The following SLC37A1 variants were observed in gnomAD, a reference collection of about 807,000 sequenced individuals.
SLC37A1 encodes the protein solute carrier family 37 member 1, also known as glucose-6-phosphate exchanger SLC37A1.
SLC37A1 carries 49 observed loss-of-function variants against 75.3 expected under a neutral mutation model. The ratio of observed to expected loss-of-function variants is 0.65; its 90% confidence interval spans 0.52 to 0.83. The LOEUF is 0.83. Ranked by LOEUF, SLC37A1 falls within the 40% of genes least tolerant of loss-of-function variation. SLC37A1 has a pLI of 0.00. For synonymous variants in SLC37A1, 268 were observed against 292.1 expected (o/e 0.92, Z 0.84); for missense variants, 566 against 695.0 (o/e 0.81, Z 2.09).
chr21:42,580,392 G>A lies in SLC37A1; in HGVS notation c.*32G>A. Reference sequence around the variant, plus strand: ...ACCCCAGTCCCGTGGAGGGGGTCTGGGCCCACCCTTCACAACTGCCTTTCA... The same window carrying A: ...ACCCCAGTCCCGTGGAGGGGGTCTGAGCCCACCCTTCACAACTGCCTTTCA... On this transcript the variant is annotated 3_prime_UTR_variant, in exon 20 of 20. Transcript: ENST00000352133. 1.9e-6 allele frequency: 3 copies of A among 1,610,978 alleles called. No individual in the cohort carries two copies. Among genetic ancestry groups the A allele is most frequent in the Non-Finnish European group, 2.5e-6 (3 of 1,178,762 alleles).
chr21:42,534,836 T>C lies in SLC37A1; in HGVS notation c.271+6T>C. On this transcript the variant is annotated splice_donor_region_variant and intron_variant, in intron 4 of 19. Coordinates refer to ENST00000352133, the MANE Select transcript of SLC37A1 (RefSeq NM_001320537.2). ...CTGTGGCTGGGCACCGTTTGGTAAGTCGATTATCGGTCCGTCCAGGAGCCG... is the reference window on the plus strand; with the variant it reads ...CTGTGGCTGGGCACCGTTTGGTAAGCCGATTATCGGTCCGTCCAGGAGCCG... 1.9e-6 allele frequency: 3 copies of C among 1,613,198 alleles called. No individual in the cohort carries two copies. The highest frequency in any genetic ancestry group is 2.5e-6 in the Non-Finnish European group (3 of 1,179,576).
chr21:42,544,465 A>G (rs1005905288), intron 8 of SLC37A1, among the ~76,000 whole-genome samples: 2 of 152,176 alleles, frequency 1.3e-5, no homozygotes, highest in African/African-American at 4.8e-5. Context: ...TAAGGTAACC[A>G]TCATCTGGCC....
intron 17 of SLC37A1, among the ~76,000 whole-genome samples, chr21:42,569,011 G>A (rs2056054735): frequency 6.6e-6 from 1 of 152,230 alleles, no homozygotes; most frequent in South Asian, 2.1e-4. Flanking sequence ...CACAGTGGCT[G>A]CACCTGCCAG....
intron 12 of SLC37A1, 93 bp downstream of exon 12, chr21:42,562,261 A>G (rs2055849306): frequency 9.3e-7 from 1 of 1,078,958 alleles, no homozygotes; most frequent in African/African-American, 1.6e-5. Flanking sequence ...TTGAAAACAC[A>G]AGGTCATGAA....
intron 3 of SLC37A1, among the ~76,000 whole-genome samples, chr21:42,531,041 T>C (rs937956286): frequency 6.6e-6 from 1 of 152,008 alleles, no homozygotes; most frequent in African/African-American, 2.4e-5. Flanking sequence ...TCTTTTCTAG[T>C]GTCATGAAAT....
intron 17 of SLC37A1, among the ~76,000 whole-genome samples, chr21:42,572,184 C>T (rs894136671): frequency 6.6e-6 from 1 of 152,178 alleles, no homozygotes; most frequent in Non-Finnish European, 1.5e-5. Flanking sequence ...GTCACTGACA[C>T]GTTCACAGAC....
At chr21:42,550,400 CAA>C (rs1300124251) in intron 9 of SLC37A1, among the ~76,000 whole-genome samples, 1 of 152,150 alleles carries the variant, frequency 6.6e-6, no homozygotes, top group Non-Finnish European at 1.5e-5. Context: ...AAAACTGACT[CAA>C]GAGAGGAGGA....
chr21:42,543,644 C>T (rs756401098), intron 8 of SLC37A1, 42 bp downstream of exon 8: 3 of 1,541,868 alleles, frequency 1.9e-6, no homozygotes, highest in Non-Finnish European at 2.6e-6. Flanking sequence ...CAAGGGAGGC[C>T]TCGGATTTCC....
At chr21:42,570,044 G>A (rs2056093140) in intron 17 of SLC37A1, among the ~76,000 whole-genome samples, 1 of 150,560 alleles carries the variant, frequency 6.6e-6, no homozygotes, top group African/African-American at 2.5e-5. Flanking sequence ...GCCTGATTCT[G>A]AGAAGCGGCG....
chr21:42,518,021 C>T (rs1023369571), intron 1 of SLC37A1, among the ~76,000 whole-genome samples: 10 of 152,282 alleles, frequency 6.6e-5, no homozygotes, highest in South Asian at 4.1e-4. Flanking sequence ...TCCTTGGTTC[C>T]TTTTTATCCA....
At chr21:42,526,219 C>T (rs765754353) in intron 3 of SLC37A1, among the ~76,000 whole-genome samples, 11 of 152,094 alleles carry the variant, frequency 7.2e-5, no homozygotes, top group South Asian at 2.1e-4. Context: ...GGTCTGGCTG[C>T]GGAGGTGGCT....
At chr21:42,554,988 T>G (rs1455938031) in intron 10 of SLC37A1, among the ~76,000 whole-genome samples, 1 of 148,908 alleles carries the variant, frequency 6.7e-6, no homozygotes. Context: ...GGTTGTTTTT[T>G]TTTTTTTTTT....
rs368957557 is a variant in SLC37A1, at chr21:42,543,544, C to T, written c.672C>T (p.Val224=). ...WVSTCWGLSF[V]VPGAIVAAMG... is the part of the protein sequence containing the mutation. ...CCACATGCTGGGGCCTGTCCTTCGT[C>T]GTGCCTGGAGCCATCGTGGCAGCCA... The change falls in exon 8 of 20, where the codon GTC becomes GTT. Residue 224 remains valine, a synonymous_variant. Coordinates refer to ENST00000352133, the MANE Select transcript of SLC37A1 (RefSeq NM_001320537.2). The T allele has an allele frequency of 6.8e-6, 11 of 1,613,728 alleles. No individual in the cohort carries two copies. Among genetic ancestry groups the T allele is most frequent in the Admixed American group, 5.0e-5 (3 of 59,946 alleles).
intron 11 of SLC37A1, 83 bp from the exon 12 acceptor site, chr21:42,561,995 A>C: frequency 9.0e-7 from 1 of 1,107,982 alleles, no homozygotes; most frequent in South Asian, 1.2e-5. Context: ...ATGGGAGCGA[A>C]GTCATATTTA....
In SLC37A1 at chr21:42,564,738, G is replaced by T. The variant is rs149271337; in HGVS notation, c.1166G>T (p.Arg389Leu). The T allele has an allele frequency of 6.2e-7, 1 of 1,610,680 alleles. No individual in the cohort carries two copies. Among genetic ancestry groups the T allele is most frequent in the African/African-American group, 1.3e-5 (1 of 75,046 alleles). The change falls in exon 14 of 20, where the codon CGA (arginine) becomes CTA (leucine). Residue 389 changes from arginine (R) to leucine (L), a missense_variant. Physicochemically the swap from Arg to Leu is moderately radical, Grantham distance 102. Coordinates refer to ENST00000352133, the MANE Select transcript of SLC37A1 (RefSeq NM_001320537.2). ...ATCCTGGCAGGTGTGATCTCAGACC[G>T]ACTGGAGAAAAGGGCCTCCACCTGC... is the stretch of plus-strand genomic sequence containing the variant. The part of the protein sequence containing the change: ...GGILAGVISD[R>L]LEKRASTCGL...
chr21:42,503,453 A>G (rs866462499), intron 2 of SLC37A1, among the ~76,000 whole-genome samples: 1 of 151,904 alleles, frequency 6.6e-6, no homozygotes, highest in African/African-American at 2.4e-5. Flanking sequence ...GGGTTTTGCC[A>G]TGTCGCCCAG....
chr21:42,533,478 A>C (rs1362659302), intron 3 of SLC37A1, among the ~76,000 whole-genome samples: 1 of 152,100 alleles, frequency 6.6e-6, no homozygotes, highest in African/African-American at 2.4e-5. Context: ...TTTCCCCCGC[A>C]ACAAGACGAG....
At position 42,517,400 on chromosome 21, in the gene SLC37A1, G is replaced by A. The variant is rs77286925; in HGVS notation, c.-178-877G>A. Reference sequence around the variant, plus strand: ...GTAGTTCTGGCTGGAGCAGATAGAAGAGATGAGGGGCGGCTCCTGGGACGA... The same window carrying A: ...GTAGTTCTGGCTGGAGCAGATAGAAAAGATGAGGGGCGGCTCCTGGGACGA... On this transcript the variant is annotated intron_variant, in intron 1 of 19. Transcript: ENST00000352133. Among the ~76,000 whole-genome samples the A allele has an allele frequency of 8.5e-3, 1,291 of 152,268 alleles. 12 individuals are homozygous for A. The highest frequency in any genetic ancestry group is 0.03 in the African/African-American group (1,231 of 41,556).
At chr21:42,562,217 C>T (rs2055848397) in intron 12 of SLC37A1, 49 bp downstream of exon 12, 2 of 1,526,392 alleles carry the variant, frequency 1.3e-6, no homozygotes, top group Admixed American at 1.7e-5. Context: ...TGACTGGGGT[C>T]CGAAGTCTCT....
Sources: gnomAD v4.1 joint callset for allele counts (sites outside exome capture counted in the v4.1 genomes callset) on GRCh38, gnomAD v4.1.1 for gene constraint, MANE v1.5 for transcripts, NCBI Gene and HGNC (gene_info 2026-07-23, HGNC 2026-07-21) for gene names.